The following DZIP3 variants were observed in gnomAD, a reference collection of about 807,000 sequenced individuals.
DZIP3 encodes DAZ interacting zinc finger protein 3, also known as E3 ubiquitin-protein ligase DZIP3.
Under a neutral mutation model 162.0 loss-of-function variants are expected in DZIP3, and 118 were observed. The ratio of observed to expected loss-of-function variants is 0.73; its 90% CI spans 0.63 to 0.85. The LOEUF (loss-of-function observed/expected upper bound fraction) is 0.85. Ranked by LOEUF, DZIP3 falls within the 40% of genes least tolerant of loss-of-function variation. The pLI is 0.00. For missense variants in DZIP3, 1,331 were observed against 1,407.0 expected, an observed-to-expected ratio of 0.95 and a Z score of 0.86; for synonymous variants, 438 against 458.6, an observed-to-expected ratio of 0.96 and a Z score of 0.57.
intron 1 of DZIP3, among the ~76,000 whole-genome samples, chr3:108,597,076 A>G (rs1310515926): frequency 6.6e-6 from 1 of 152,212 alleles, no homozygotes; most frequent in Admixed American, 6.5e-5. Context: ...GTGTCAACTC[A>G]TATTTTTCAG....
At chr3:108,628,952 G>A in intron 7 of DZIP3, 110 bp from the exon 8 acceptor site, 3 of 623,038 alleles carry the variant, frequency 4.8e-6, no homozygotes, top group Non-Finnish European at 8.2e-6. Context: ...CATGCCAGAG[G>A]TTATCACCAC....
intron 19 of DZIP3, among the ~76,000 whole-genome samples, chr3:108,660,689 G>C (rs1160904135): frequency 2.6e-5 from 4 of 152,066 alleles, no homozygotes; most frequent in African/African-American, 9.7e-5. Context: ...ACTACCATCA[G>C]AGTCAACAGG....
rs965838220 is a variant in DZIP3 at position 108,674,264 on chromosome 3, G to A, written c.2693+83G>A. The A allele has an allele frequency of 2.7e-5, 33 of 1,210,290 alleles. No individual in the cohort carries two copies. In the Admixed American group the frequency reaches 6.2e-4, roughly 23 times the overall value. The allele number at this position is 1,210,290 out of a possible 1,614,324, so 75.0% of individuals were successfully genotyped here. A position where few individuals can be genotyped will look rare whatever the true frequency, so the allele number is the denominator to read the frequency against. ...CACGGTTGAATATAATCTGTGATGTGTTTTACATATGTGACATCAGAGTTC... is the reference window on the plus strand; with the variant it reads ...CACGGTTGAATATAATCTGTGATGTATTTTACATATGTGACATCAGAGTTC... On this transcript the variant is annotated intron_variant, in intron 24 of 32. Coordinates refer to ENST00000361582, the MANE Select transcript of DZIP3 (RefSeq NM_014648.4).
chr3:108,658,224 GAC>G (rs1943237407), intron 19 of DZIP3, among the ~76,000 whole-genome samples: 2 of 152,084 alleles, frequency 1.3e-5, no homozygotes, highest in Non-Finnish European at 2.9e-5. Context: ...TTCCAAAATT[GAC>G]CACATAGTTA....
chr3:108,644,468 A>G lies in DZIP3; in HGVS notation c.1446A>G (p.Ala482=). The part of the protein sequence containing the change: ...ALIKHLNVFP[A]PKKGWNMEPP... ...TAAAACATTTAAATGTGTTCCCTGC[A>G]CCCAAAAAAGGATGGAATATGGAAC... The change falls in exon 14 of 33, where the codon GCA becomes GCG. Residue 482 remains alanine (A), a synonymous_variant. Coordinates refer to ENST00000361582, the MANE Select transcript of DZIP3 (RefSeq NM_014648.4). 1 of 1,613,974 alleles carries G rather than the reference A, an allele frequency of 6.2e-7. No homozygotes were observed. Among genetic ancestry groups the G allele is most frequent in the Non-Finnish European group, 8.5e-7 (1 of 1,179,946 alleles).
At chr3:108,662,570 C>T (rs1943487843) in intron 21 of DZIP3, among the ~76,000 whole-genome samples, 2 of 152,162 alleles carry the variant, frequency 1.3e-5, no homozygotes, top group South Asian at 4.1e-4. Flanking sequence ...CAATGATTGG[C>T]TGTTTCTATA....
intron 26 of DZIP3, among the ~76,000 whole-genome samples, chr3:108,680,563 G>C (rs1348843574): frequency 6.6e-6 from 1 of 151,824 alleles, no homozygotes; most frequent in East Asian, 1.9e-4. Flanking sequence ...AAGATACCTG[G>C]GAATAAATTT....
chr3:108,650,239 A>G (rs1681922623), intron 17 of DZIP3, among the ~76,000 whole-genome samples: 1 of 151,840 alleles, frequency 6.6e-6, no homozygotes, highest in South Asian at 2.1e-4. Context: ...GAAATAATCC[A>G]TTATGCTAGA....
rs1328828816 is a variant in DZIP3 at position 108,665,740 on chromosome 3, C to T, written c.2423+3483C>T. Among the ~76,000 whole-genome samples the T allele has an allele frequency of 2.6e-5, 4 of 152,000 alleles. No homozygotes were observed. The East Asian group carries it at 5.8e-4, about 22-fold the overall frequency. ...CAGAGAAAAACATTACTTATGAGAACAGTAATTTGAATGACAACAGATTTT... is the reference window on the plus strand; with the variant it reads ...CAGAGAAAAACATTACTTATGAGAATAGTAATTTGAATGACAACAGATTTT... On this transcript the variant is annotated intron_variant, in intron 21 of 32. Coordinates refer to ENST00000361582, the MANE Select transcript of DZIP3 (RefSeq NM_014648.4).
chr3:108,640,122 T>G (rs62266429), intron 12 of DZIP3, among the ~76,000 whole-genome samples: 30,890 of 152,046 alleles, frequency 0.2, 3,712 homozygotes, highest in East Asian at 0.45. Flanking sequence ...TTTGCAATAA[T>G]TTATTTTATG....
chr3:108,648,866 C>T (rs1942743717), intron 16 of DZIP3, 52 bp from the exon 17 acceptor site: 1 of 1,022,460 alleles, frequency 9.8e-7, no homozygotes, highest in South Asian at 1.6e-5. Context: ...TGCAAAATAA[C>T]CCATTGGGCA....
chr3:108,627,037 C>T (rs1019806242), intron 7 of DZIP3, among the ~76,000 whole-genome samples: 1 of 152,194 alleles, frequency 6.6e-6, no homozygotes, highest in Non-Finnish European at 1.5e-5. Context: ...AGGGTATCCA[C>T]AAGACATCTC....
At position 108,651,122 on chromosome 3, in the gene DZIP3, T is replaced by A; in HGVS notation, c.2008-15T>A. The A allele has an allele frequency of 1.4e-6, 1 of 705,004 alleles. No individual in the cohort carries two copies. The highest frequency in any genetic ancestry group is 2.0e-6 in the Non-Finnish European group (1 of 487,932). 43.7% of individuals were successfully genotyped at this position (705,004 alleles called of 1,614,324 possible). ...ATAGTTGATATAGATTACTAATTCT[T>A]ATGTTATTTTTCAGAATAAAGACTC... On this transcript the variant is annotated splice_polypyrimidine_tract_variant and intron_variant, in intron 17 of 32. Coordinates refer to ENST00000361582, the MANE Select transcript of DZIP3 (RefSeq NM_014648.4).
intron 26 of DZIP3, among the ~76,000 whole-genome samples, chr3:108,682,005 C>A (rs1029502176): frequency 2.7e-5 from 4 of 150,224 alleles, no homozygotes; most frequent in Non-Finnish European, 5.9e-5. Context: ...TGCAGCAAAC[C>A]ACCATGGCAC....
rs1944086744 is a variant in DZIP3, at chr3:108,675,804, A to G, written c.2712A>G (p.Gln904=). ...HMAASNLESL[Q]LKAAVDSWNA... ...ACAACAGCAACCTAGAATCACTTCA[A>G]TTAAAGGCTGCGGTAGACAGTTGGA... is the stretch of plus-strand genomic sequence containing the variant. Residue 904 remains glutamine (Q), a synonymous_variant, in exon 25 of 33, where the codon CAA becomes CAG. Coordinates refer to ENST00000361582, the MANE Select transcript of DZIP3 (RefSeq NM_014648.4). 1 of 1,607,256 alleles carries G rather than the reference A, an allele frequency of 6.2e-7. No individual in the cohort carries two copies. Among genetic ancestry groups the G allele is most frequent in the Admixed American group, 1.7e-5 (1 of 58,594 alleles).
At chr3:108,630,526 C>A (rs922955007) in intron 8 of DZIP3, among the ~76,000 whole-genome samples, 2 of 152,044 alleles carry the variant, frequency 1.3e-5, no homozygotes, top group Non-Finnish European at 2.9e-5. Flanking sequence ...TAATATACTT[C>A]TTTCAGTAAT....
chr3:108,679,405 A>T (rs1362200411), intron 26 of DZIP3, among the ~76,000 whole-genome samples: 2 of 152,122 alleles, frequency 1.3e-5, no homozygotes, highest in African/African-American at 4.8e-5. Flanking sequence ...TTAGTTAAGT[A>T]CAAAAACCTA....
intron 1 of DZIP3, among the ~76,000 whole-genome samples, chr3:108,596,657 G>T (rs1576336868): frequency 6.6e-6 from 1 of 152,292 alleles, no homozygotes; most frequent in South Asian, 2.1e-4. Flanking sequence ...CTACACACGG[G>T]CTCCCTCTTT....
chr3:108,633,734 GA>G (rs1559743983), intron 9 of DZIP3, among the ~76,000 whole-genome samples: 2 of 69,952 alleles, frequency 2.9e-5, no homozygotes, highest in Admixed American at 1.4e-4. Context: ...TCTCTCTCTG[GA>G]TCTATCAGAG....
Sources: gnomAD v4.1 joint callset for allele counts (sites outside exome capture counted in the v4.1 genomes callset) on GRCh38, gnomAD v4.1.1 for gene constraint, MANE v1.5 for transcripts, NCBI Gene and HGNC (gene_info 2026-07-23, HGNC 2026-07-21) for gene names.